The following HSD17B6 variants were observed in gnomAD, a reference collection of about 807,000 sequenced individuals.
HSD17B6 encodes the protein 17-beta-hydroxysteroid dehydrogenase type 6.
In HSD17B6, 16 loss-of-function variants were observed where a neutral mutation model predicts 26.4. The observed-to-expected ratio is 0.61, with a 90% CI of 0.41 to 0.92. The LOEUF (loss-of-function observed/expected upper bound fraction) is 0.92, where lower values mean the gene tolerates loss of function less well. HSD17B6 is among the 40% of genes least tolerant of loss of function. HSD17B6 has a pLI of 0.00. For synonymous variants in HSD17B6, 139 were observed against 153.0 expected, an observed-to-expected ratio of 0.91 and a Z score of 0.68; for missense variants, 357 against 386.1, an observed-to-expected ratio of 0.92 and a Z score of 0.63.
chr12:56,781,992 A>G lies in HSD17B6; in HGVS notation c.332A>G (p.Asn111Ser). 6.2e-7 allele frequency: 1 copy of G among 1,614,052 alleles called. No individual in the cohort carries two copies. Among genetic ancestry groups the G allele is most frequent in the Non-Finnish European group, 8.5e-7 (1 of 1,179,994 alleles). ...GTTTTAGGACTCTGGGGACTGGTGA[A>G]CAATGCAGGCATTCTTACACCAATT... is the stretch of plus-strand genomic sequence containing the variant. ...VGDRGLWGLVNNAGILTPITL... is the reference protein window; with the variant it reads ...VGDRGLWGLVSNAGILTPITL... Residue 111 changes from asparagine (N) to serine (S), a missense_variant, in exon 3 of 5, where the codon AAC becomes AGC. Transcript: ENST00000322165.
intron 2 of HSD17B6, among the ~76,000 whole-genome samples, chr12:56,774,731 A>T (rs1189473879): frequency 6.6e-6 from 1 of 152,230 alleles, no homozygotes; most frequent in East Asian, 1.9e-4. Flanking sequence ...AGTGCATAGG[A>T]TATATCCCTG....
At chr12:56,777,656 C>T (rs1361024932) in intron 2 of HSD17B6, among the ~76,000 whole-genome samples, 1 of 152,134 alleles carries the variant, frequency 6.6e-6, no homozygotes, top group African/African-American at 2.4e-5. Flanking sequence ...AGGCACTGCA[C>T]CTGGCCCAAA....
chr12:56,769,067 G>A (rs1446767102), intron 1 of HSD17B6, among the ~76,000 whole-genome samples: 6 of 151,822 alleles, frequency 4.0e-5, no homozygotes, highest in Non-Finnish European at 7.4e-5. Context: ...AAGATAGGAT[G>A]GGGCTGTGCA....
chr12:56,766,682 C>A (rs184655644), intron 1 of HSD17B6, among the ~76,000 whole-genome samples: 15 of 152,150 alleles, frequency 9.9e-5, no homozygotes, highest in African/African-American at 3.6e-4. Context: ...ACCAGACAGC[C>A]CTATGTGGAT....
rs111771802 is a variant in HSD17B6 at position 56,777,196 on chromosome 12, C to T, written c.313+3031C>T. 8.7e-4 allele frequency among the ~76,000 whole-genome samples: 133 copies of T among 152,144 alleles called. 2 individuals are homozygous for T. The South Asian group carries it at 0.017, about 20-fold the overall frequency. ...AGGAGTTTGAGGCTACAGTGGGCTA[C>T]GATAGCACTTGTGAATAGCCACTAG... On this transcript the variant is annotated intron_variant, in intron 2 of 4. Transcript: ENST00000322165.
At chr12:56,779,978 G>A (rs879321625) in intron 2 of HSD17B6, among the ~76,000 whole-genome samples, 2 of 152,004 alleles carry the variant, frequency 1.3e-5, no homozygotes, top group Non-Finnish European at 2.9e-5. Context: ...TTTGCAGATA[G>A]GCTAGTCTAT....
Position 56,782,246 on chromosome 12 carries a change from A to C in HSD17B6, c.572+14A>C. 6.2e-7 allele frequency: 1 copy of C among 1,611,216 alleles called. No homozygotes were observed. Among genetic ancestry groups the C allele is most frequent in the Non-Finnish European group, 8.5e-7 (1 of 1,178,750 alleles). On this transcript the variant is annotated intron_variant, in intron 3 of 4. Transcript: ENST00000322165. ...AGATATTCTGAGGTAACTTAAGTTA[A>C]AACAAAAACAGCTATTGAGCACTGA... is the stretch of plus-strand genomic sequence containing the variant.
rs776082524 is a variant in HSD17B6, at chr12:56,773,981, C to A, written c.129C>A (p.Asn43Lys). ...FITGCDSGFG[N>K]LLARQLDARG... ...CGGGCTGTGACTCGGGCTTTGGGAA[C>A]CTGCTGGCCAGACAGCTGGATGCAC... Residue 43 changes from asparagine to lysine, a missense_variant, in exon 2 of 5, where the codon AAC (asparagine) becomes AAA (lysine). Transcript: ENST00000322165. 1.6e-5 allele frequency: 26 copies of A among 1,614,050 alleles called. No individual in the cohort carries two copies. The East Asian group carries it at 3.3e-4, about 21-fold the overall frequency.
At chr12:56,782,922 G>C (rs1702703397) in intron 3 of HSD17B6, among the ~76,000 whole-genome samples, 1 of 152,064 alleles carries the variant, frequency 6.6e-6, no homozygotes, top group African/African-American at 2.4e-5. Context: ...ACCCTGAGTG[G>C]ACACAGCACA....
intron 1 of HSD17B6, 114 bp downstream of exon 1, chr12:56,763,528 A>AT (rs1334617956): frequency 6.8e-6 from 1 of 146,988 alleles, no homozygotes; most frequent in African/African-American, 2.5e-5. Context: ...TTTGATTATG[A>AT]TTTTTTATCA....
chr12:56,785,820 G>A (rs1485357280), intron 4 of HSD17B6: 3 of 238,724 alleles, frequency 1.3e-5, no homozygotes, highest in Non-Finnish European at 2.0e-5. Flanking sequence ...AAAGCATGTA[G>A]GTGGGAAGAG....
chr12:56,779,801 CT>C (rs34050360), intron 2 of HSD17B6, among the ~76,000 whole-genome samples: 116 of 134,226 alleles, frequency 8.6e-4, no homozygotes, highest in Middle Eastern at 7.5e-3. Flanking sequence ...CTCTTTTTAC[CT>C]TTTTTTTTTT....
Position 56,782,199 on chromosome 12 carries a change from A to G in HSD17B6, c.539A>G (p.Lys180Arg). The G allele has an allele frequency of 1.2e-6, 2 of 1,614,186 alleles. No individual in the cohort carries two copies. Among genetic ancestry groups the G allele is most frequent in the Non-Finnish European group, 1.7e-6 (2 of 1,180,024 alleles). ...TTTGTAGGAGGCTACTGTGTCTCCA[A>G]GTATGGAGTGGAAGCCTTTTCAGAT... Reference protein sequence around the residue: ...AFFVGGYCVSKYGVEAFSDIL... With the variant: ...AFFVGGYCVSRYGVEAFSDIL... The change falls in exon 3 of 5, where the codon AAG becomes AGG. Residue 180 changes from lysine (K) to arginine (R), a missense_variant. Physicochemically the swap from Lys to Arg is conservative, Grantham distance 26. Transcript: ENST00000322165.
chr12:56,776,351 C>T (rs914816874), intron 2 of HSD17B6, among the ~76,000 whole-genome samples: 3 of 137,028 alleles, frequency 2.2e-5, no homozygotes, highest in African/African-American at 8.7e-5. Context: ...GTTGCCCAGG[C>T]CTGAGTGCAG....
chr12:56,779,771 A>C (rs1361509346), intron 2 of HSD17B6, among the ~76,000 whole-genome samples: 1 of 149,082 alleles, frequency 6.7e-6, no homozygotes, highest in Non-Finnish European at 1.5e-5. Context: ...TCCAATATGC[A>C]ATGTTTGTTT....
At chr12:56,776,145 C>T (rs572138953) in intron 2 of HSD17B6, among the ~76,000 whole-genome samples, 1 of 152,136 alleles carries the variant, frequency 6.6e-6, no homozygotes, top group Non-Finnish European at 1.5e-5. Context: ...AGGCTTGCCT[C>T]GAACTCCTGA....
rs200893415 is a variant in HSD17B6, at chr12:56,774,137, G to A, written c.285G>A (p.Gln95=). The change falls in exon 2 of 5, where the codon CAG becomes CAA. Residue 95 remains glutamine (Q), a synonymous_variant. Transcript: ENST00000322165. The part of the protein sequence containing the change: ...TKMESIAAAT[Q]WVKEHVGDRG... ...TGGAGAGCATCGCTGCAGCTACTCA[G>A]TGGGTGAAGGAGCATGTGGGGGACA... 4 of 1,585,572 alleles carry A rather than the reference G, an allele frequency of 2.5e-6. No homozygotes were observed. The highest frequency in any genetic ancestry group is 2.2e-5 in the East Asian group (1 of 44,550).
chr12:56,781,924 A>C lies in HSD17B6; in HGVS notation c.314-50A>C, dbSNP rs189527846. 140 of 1,581,320 alleles carry C rather than the reference A, an allele frequency of 8.9e-5. 2 individuals carry two copies. The African/African-American group carries it at 1.6e-3, about 18-fold the overall frequency. On this transcript the variant is annotated intron_variant, in intron 2 of 4. Transcript: ENST00000322165. The stretch of plus-strand genomic sequence containing the variant: ...CTTTCCCCACCAAAGTTCAAAATAG[A>C]GTATTTTTGCCTGAAACCAAACTCC...
chr12:56,784,724 A>C, intron 3 of HSD17B6, 129 bp from the exon 4 acceptor site: 1 of 920,396 alleles, frequency 1.1e-6, no homozygotes, highest in Non-Finnish European at 1.6e-6. Flanking sequence ...GGAGAGGGAG[A>C]GGGAGATTTC....
Sources: allele counts gnomAD v4.1 joint callset (sites outside exome capture counted in the v4.1 genomes callset), GRCh38; gene constraint gnomAD v4.1.1; transcripts MANE v1.5; gene names NCBI Gene and HGNC (gene_info 2026-07-23, HGNC 2026-07-21).